Variants in NFU1 observed in about 807,000 individuals in gnomAD.
The protein encoded by NFU1 is NFU1 iron-sulfur cluster scaffold homolog, mitochondrial.
In NFU1, 30 loss-of-function variants were observed where a neutral mutation model predicts 32.2. The ratio of observed to expected loss-of-function variants is 0.93; its 90% CI spans 0.70 to 1.26. The LOEUF (loss-of-function observed/expected upper bound fraction) is 1.26. Ranked by LOEUF, NFU1 falls within the 50% of genes most tolerant of loss-of-function variation. NFU1 has a pLI of 0.00. For missense variants in NFU1, 306 were observed against 306.6 expected (o/e 1.00, Z 0.02); for synonymous variants, 112 against 104.6 (o/e 1.07, Z -0.43).
intron 5 of NFU1, among the ~76,000 whole-genome samples, chr2:69,413,384 T>C (rs570521378): frequency 7.5e-4 from 110 of 146,942 alleles, no homozygotes; most frequent in Middle Eastern, 3.5e-3. Flanking sequence ...TATAAGAACA[T>C]TGAAATTCTT....
At chr2:69,436,504 G>T (rs542659183) in intron 1 of NFU1, among the ~76,000 whole-genome samples, 29 of 152,238 alleles carry the variant, frequency 1.9e-4, no homozygotes, top group African/African-American at 6.7e-4. Flanking sequence ...CAACATACAG[G>T]TTTAAAGTCT....
chr2:69,421,922 A>G (rs1361991469), intron 3 of NFU1, among the ~76,000 whole-genome samples: 2 of 152,016 alleles, frequency 1.3e-5, no homozygotes, highest in African/African-American at 4.8e-5. Context: ...ATCCATTCCA[A>G]TGCCCCCAGT....
intron 4 of NFU1, among the ~76,000 whole-genome samples, chr2:69,417,492 TA>T (rs1326389523): frequency 8.3e-6 from 1 of 120,680 alleles, no homozygotes; most frequent in South Asian, 2.8e-4. Context: ...TAAAAAAAAA[TA>T]AAAAAAAAAT....
intron 6 of NFU1, among the ~76,000 whole-genome samples, chr2:69,405,344 G>A (rs952712805): frequency 6.6e-6 from 1 of 152,078 alleles, no homozygotes; most frequent in African/African-American, 2.4e-5. Context: ...TTTAATTTTT[G>A]TCTTCCCATC....
At chr2:69,438,609 G>C (rs1027321892), upstream of NFU1, among the ~76,000 whole-genome samples, 2 of 152,056 alleles carry the variant, frequency 1.3e-5, no homozygotes, top group African/African-American at 4.8e-5. Context: ...GCTAAAATTT[G>C]AGAATCACTG....
intron 4 of NFU1, among the ~76,000 whole-genome samples, chr2:69,417,438 T>C (rs1380521416): frequency 2.7e-5 from 4 of 149,782 alleles, no homozygotes; most frequent in Non-Finnish European, 5.9e-5. Context: ...AGCCCAGGAG[T>C]TTGAGACCAG....
At position 69,400,481 on chromosome 2, in the gene NFU1, A is replaced by G. The variant is rs1356362429; in HGVS notation, c.603T>C (p.Ile201=). ...DVIYKGFEDG[I]VQLKLQGSCT... is the part of the protein sequence containing the mutation. ...AAGAACCCTGGAGTTTCAGCTGTAC[A>G]ATGCCATCTTCAAAGCCTTTGTAGA... Residue 201 remains isoleucine (I), a synonymous_variant, in exon 7 of 8, where the codon ATT becomes ATC. Coordinates refer to ENST00000410022, the MANE Select transcript of NFU1 (RefSeq NM_001002755.4). The G allele has an allele frequency of 2.5e-6, 4 of 1,614,054 alleles. No homozygotes were observed. In the African/African-American group the frequency reaches 4.0e-5, roughly 16 times the overall value.
At chr2:69,398,684 G>A (rs776007039) in intron 7 of NFU1, among the ~76,000 whole-genome samples, 5 of 152,128 alleles carry the variant, frequency 3.3e-5, no homozygotes, top group East Asian at 3.8e-4. Context: ...TGAGTCTAGC[G>A]GGTAACAATG....
At chr2:69,418,487 G>A (rs528757502) in intron 4 of NFU1, among the ~76,000 whole-genome samples, 1 of 151,644 alleles carries the variant, frequency 6.6e-6, no homozygotes, top group African/African-American at 2.4e-5. Flanking sequence ...TCTTTTTTGA[G>A]ATGCAGTCTC....
At chr2:69,399,223 AAAAAG>A in intron 7 of NFU1, 2 of 317,050 alleles carry the variant, frequency 6.3e-6, no homozygotes, top group South Asian at 5.0e-5. Context: ...AAAAAAAAAA[AAAAAG>A]AATGAATTAC....
chr2:69,399,135 G>C (rs1181758293), intron 7 of NFU1: 1 of 244,236 alleles, frequency 4.1e-6, no homozygotes, highest in Non-Finnish European at 8.2e-6. Context: ...TTCAACCTGG[G>C]AGGTGGAGGT....
chr2:69,421,453 T>C (rs1673236876), intron 3 of NFU1, among the ~76,000 whole-genome samples: 2 of 152,062 alleles, frequency 1.3e-5, no homozygotes, highest in South Asian at 4.2e-4. Context: ...GAGGCTTCGG[T>C]TCCCCAAAAT....
At chr2:69,408,005 C>T (rs1672755548) in intron 5 of NFU1, among the ~76,000 whole-genome samples, 1 of 104,952 alleles carries the variant, frequency 9.5e-6, no homozygotes, top group Non-Finnish European at 1.9e-5. Context: ...AGAGTGAGAC[C>T]CCACCTCAAA....
chr2:69,399,454 TAAC>T (rs1187073785), intron 7 of NFU1: 11 of 435,688 alleles, frequency 2.5e-5, no homozygotes, highest in Non-Finnish European at 4.1e-5. Context: ...CTACTCAGTA[TAAC>T]AACAAACTAT....
intron 2 of NFU1, chr2:69,429,755 A>C (rs1673576708): frequency 6.4e-6 from 1 of 155,046 alleles, no homozygotes; most frequent in African/African-American, 2.4e-5. Flanking sequence ...CAGGCTGGGC[A>C]CGGTGGCTCA....
chr2:69,406,295 C>T (rs531041324), intron 5 of NFU1, among the ~76,000 whole-genome samples: 1 of 152,290 alleles, frequency 6.6e-6, no homozygotes, highest in Admixed American at 6.5e-5. Context: ...TACCAATCAA[C>T]TCAACATCTG....
chr2:69,437,516 G>A (rs1673894707), upstream of NFU1: 2 of 1,478,840 alleles, frequency 1.4e-6, no homozygotes, highest in African/African-American at 1.4e-5. Flanking sequence ...ACTGGGAAGA[G>A]CCCACCCTAC....
At chr2:69,437,048 C>T (rs150455284) in intron 1 of NFU1, among the ~76,000 whole-genome samples, 61 of 152,328 alleles carry the variant, frequency 4.0e-4, no homozygotes, top group African/African-American at 1.4e-3. Flanking sequence ...GAGAGGCACA[C>T]GATTTTAAAA....
intron 3 of NFU1, among the ~76,000 whole-genome samples, 176 bp from the exon 4 acceptor site, chr2:69,419,780 C>G (rs904010877): frequency 6.6e-6 from 1 of 152,164 alleles, no homozygotes; most frequent in Non-Finnish European, 1.5e-5. Flanking sequence ...CAATCCCACT[C>G]CTAGTTATTT....
Sources: gnomAD v4.1 joint callset for allele counts (sites outside exome capture counted in the v4.1 genomes callset) on GRCh38, gnomAD v4.1.1 for gene constraint, MANE v1.5 for transcripts, NCBI Gene and HGNC (gene_info 2026-07-23, HGNC 2026-07-21) for gene names.